The following GALNT13 variants were observed in gnomAD, a reference collection of about 807,000 sequenced individuals.
GALNT13 encodes polypeptide N-acetylgalactosaminyltransferase 13.
In GALNT13, 28 loss-of-function variants were observed where a neutral mutation model predicts 64.2. The ratio of observed to expected loss-of-function variants is 0.44; its 90% CI spans 0.32 to 0.60. GALNT13 has a LOEUF of 0.60. Ranked by LOEUF, GALNT13 falls within the 20% of genes least tolerant of loss-of-function variation. The pLI, the probability that GALNT13 is intolerant of heterozygous loss-of-function variation, is 0.05. For missense variants in GALNT13, 577 were observed against 669.8 expected, an observed-to-expected ratio of 0.86 and a Z score of 1.53; for synonymous variants, 214 against 224.6, an observed-to-expected ratio of 0.95 and a Z score of 0.42.
At chr2:154,309,599 A>C (rs943734271) in intron 9 of GALNT13, among the ~76,000 whole-genome samples, 1 of 152,156 alleles carries the variant, frequency 6.6e-6, no homozygotes, top group Non-Finnish European at 1.5e-5. Flanking sequence ...TAACTAATCC[A>C]GTCTTGTGAG....
chr2:153,554,573 G>A, the GALNT13 span, among the ~76,000 whole-genome samples: 1 of 152,038 alleles, frequency 6.6e-6, no homozygotes, highest in African/African-American at 2.4e-5. Flanking sequence ...AGTTTCTTAA[G>A]TTGTAGACCA....
chr2:153,485,683 G>A, the GALNT13 span, among the ~76,000 whole-genome samples: 1 of 152,100 alleles, frequency 6.6e-6, no homozygotes, highest in East Asian at 1.9e-4. Context: ...CAGGAGGACT[G>A]CTTGAGCCCA....
the GALNT13 span, among the ~76,000 whole-genome samples, chr2:153,451,458 A>G: frequency 6.6e-6 from 1 of 152,150 alleles, no homozygotes; most frequent in African/African-American, 2.4e-5. Context: ...ATCATTATCA[A>G]ATAATACTGC....
At chr2:154,346,103 G>A (rs563694394) in intron 9 of GALNT13, among the ~76,000 whole-genome samples, 1 of 151,918 alleles carries the variant, frequency 6.6e-6, no homozygotes, top group South Asian at 2.1e-4. Flanking sequence ...AGTCTTTACT[G>A]TCCCTCTGAA....
the GALNT13 span, among the ~76,000 whole-genome samples, chr2:153,453,872 C>T: frequency 1.3e-5 from 2 of 152,132 alleles, no homozygotes; most frequent in African/African-American, 4.8e-5. Context: ...AGAGTAGGTG[C>T]CCATCAACAG....
the GALNT13 span, among the ~76,000 whole-genome samples, chr2:153,721,799 T>C: frequency 2.0e-5 from 3 of 151,574 alleles, no homozygotes; most frequent in African/African-American, 7.3e-5. Context: ...GCACCCAGAT[T>C]CATAAAGCAA....
chr2:153,529,478 A>G, the GALNT13 span, among the ~76,000 whole-genome samples: 1 of 152,014 alleles, frequency 6.6e-6, no homozygotes, highest in Admixed American at 6.6e-5. Flanking sequence ...AATTCTACCA[A>G]ACACTTAAAG....
chr2:154,264,774 A>T lies in GALNT13; in HGVS notation c.975+5636A>T, dbSNP rs182780026. On this transcript the variant is annotated intron_variant, in intron 8 of 12. Coordinates refer to ENST00000392825, the MANE Select transcript of GALNT13 (RefSeq NM_052917.4). ...AAACTTAGGAATTATTTATAGCACT[A>T]AATGTCTATATCAGAAAAGAAAAAA... is the stretch of plus-strand genomic sequence containing the variant. 7.5e-5 allele frequency among the ~76,000 whole-genome samples: 10 copies of T among 133,940 alleles called. No individual in the cohort carries two copies. In the East Asian group the frequency reaches 1.1e-3, roughly 15 times the overall value. 87.9% of individuals were successfully genotyped at this position (133,940 alleles called of 152,430 possible). A position where few individuals can be genotyped will look rare whatever the true frequency, so the allele number is the denominator to read the frequency against.
chr2:153,691,618 T>A, the GALNT13 span, among the ~76,000 whole-genome samples: 3 of 152,008 alleles, frequency 2.0e-5, no homozygotes, highest in Non-Finnish European at 4.4e-5. Flanking sequence ...AATGAAAAAA[T>A]TAGCCAAAAG....
At chr2:153,766,426 A>G in the GALNT13 span, among the ~76,000 whole-genome samples, 2 of 152,200 alleles carry the variant, frequency 1.3e-5, no homozygotes, top group Non-Finnish European at 1.5e-5. Flanking sequence ...GGAAAATTTT[A>G]GCTATTATTT....
chr2:153,446,615 C>T, the GALNT13 span, among the ~76,000 whole-genome samples: 2 of 152,072 alleles, frequency 1.3e-5, no homozygotes, highest in African/African-American at 2.4e-5. Flanking sequence ...ACATGGATAC[C>T]GTCACTATTT....
the GALNT13 span, among the ~76,000 whole-genome samples, chr2:153,528,093 T>A: frequency 6.6e-6 from 1 of 151,862 alleles, no homozygotes; most frequent in Non-Finnish European, 1.5e-5. Context: ...TAATATTGAA[T>A]GTAAATGGAC....
the GALNT13 span, among the ~76,000 whole-genome samples, chr2:153,566,515 C>T: frequency 2.6e-5 from 4 of 152,052 alleles, no homozygotes; most frequent in African/African-American, 4.8e-5. Context: ...CCACCGCGCC[C>T]GGCTAATTTT....
chr2:153,866,138 A>G, the GALNT13 span, among the ~76,000 whole-genome samples: 9 of 113,356 alleles, frequency 7.9e-5, no homozygotes, highest in African/African-American at 3.0e-4. Flanking sequence ...AGGAAGGGGA[A>G]TATCACACTC....
chr2:153,263,000 A>G, the GALNT13 span, among the ~76,000 whole-genome samples: 1 of 152,190 alleles, frequency 6.6e-6, no homozygotes, highest in African/African-American at 2.4e-5. Flanking sequence ...AGGAAGAGAG[A>G]AAGTTAAATT....
chr2:153,423,274 T>C, the GALNT13 span, among the ~76,000 whole-genome samples: 1 of 151,886 alleles, frequency 6.6e-6, no homozygotes, highest in Admixed American at 6.6e-5. Context: ...AACATATGAT[T>C]ATTTCAATAC....
At chr2:154,169,386 G>A (rs1471116415) in intron 4 of GALNT13, among the ~76,000 whole-genome samples, 9 of 152,282 alleles carry the variant, frequency 5.9e-5, no homozygotes, top group East Asian at 3.9e-4. Context: ...TCAACTTCAC[G>A]TCACTGGATG....
chr2:154,139,018 C>A (rs1248694446), intron 3 of GALNT13, among the ~76,000 whole-genome samples: 1 of 151,726 alleles, frequency 6.6e-6, no homozygotes, highest in East Asian at 1.9e-4. Flanking sequence ...TTTCTATATT[C>A]AATGTTTCCA....
chr2:153,222,763 G>C, the GALNT13 span, among the ~76,000 whole-genome samples: 30 of 152,348 alleles, frequency 2.0e-4, no homozygotes, highest in East Asian at 5.0e-3. Flanking sequence ...GGCTGTGACA[G>C]TGTCCCGGCT....
Sources: allele counts gnomAD v4.1 joint callset (sites outside exome capture counted in the v4.1 genomes callset), GRCh38; gene constraint gnomAD v4.1.1; transcripts MANE v1.5; gene names NCBI Gene and HGNC (gene_info 2026-07-23, HGNC 2026-07-21).